The following SH3GL2 variants were observed in gnomAD, a reference collection of about 807,000 sequenced individuals.
SH3GL2 encodes the protein SH3 domain containing GRB2 like 2, endophilin A1.
SH3GL2 carries 24 observed loss-of-function variants against 46.0 expected under a neutral mutation model. The ratio of observed to expected loss-of-function variants is 0.52; its 90% CI spans 0.38 to 0.73. SH3GL2 has a LOEUF of 0.73. Among genes scored for constraint, SH3GL2 ranks in the 30% least tolerant of loss-of-function variants. SH3GL2 has a pLI of 0.00. For missense variants in SH3GL2, 413 were observed against 424.2 expected (o/e 0.97, Z 0.23); for synonymous variants, 196 against 147.1 (o/e 1.33, Z -2.40).
chr9:17,603,830 A>C (rs552905648), intron 1 of SH3GL2, among the ~76,000 whole-genome samples: 31 of 152,284 alleles, frequency 2.0e-4, no homozygotes, highest in Non-Finnish European at 2.6e-4. Context: ...GTGCCATTGC[A>C]CTCCAGCCTG....
intron 1 of SH3GL2, among the ~76,000 whole-genome samples, chr9:17,677,960 A>C (rs1820657175): frequency 6.6e-6 from 1 of 152,142 alleles, no homozygotes. Context: ...ACATGAACTC[A>C]TCATTTTTTA....
intron 1 of SH3GL2, among the ~76,000 whole-genome samples, chr9:17,689,051 C>T (rs967326134): frequency 6.6e-5 from 10 of 151,992 alleles, no homozygotes; most frequent in Non-Finnish European, 1.5e-4. Flanking sequence ...TCAAGGTGTA[C>T]GTCATCAACA....
At chr9:17,692,192 G>A (rs1204032222) in intron 1 of SH3GL2, among the ~76,000 whole-genome samples, 1 of 151,994 alleles carries the variant, frequency 6.6e-6, no homozygotes, top group Non-Finnish European at 1.5e-5. Context: ...TGCTTGCTAT[G>A]TATGGATATG....
At chr9:17,731,457 CAG>C (rs372121624) in intron 1 of SH3GL2, among the ~76,000 whole-genome samples, 13 of 148,968 alleles carry the variant, frequency 8.7e-5, no homozygotes, top group Non-Finnish European at 1.3e-4. Flanking sequence ...GAGAGACAGA[CAG>C]AGAGAGAGAG....
intron 3 of SH3GL2, among the ~76,000 whole-genome samples, chr9:17,761,942 C>A (rs1823186792): frequency 6.6e-6 from 1 of 152,132 alleles, no homozygotes; most frequent in African/African-American, 2.4e-5. Context: ...CATAGGGCAT[C>A]ACCAAAGTCT....
chr9:17,649,625 A>T (rs975465348), intron 1 of SH3GL2, among the ~76,000 whole-genome samples: 3 of 152,338 alleles, frequency 2.0e-5, no homozygotes, highest in African/African-American at 7.2e-5. Context: ...AACTTACACA[A>T]GGGAGTTTGC....
At chr9:17,667,576 T>G (rs1011977572) in intron 1 of SH3GL2, among the ~76,000 whole-genome samples, 3 of 152,246 alleles carry the variant, frequency 2.0e-5, no homozygotes, top group East Asian at 3.8e-4. Flanking sequence ...TGGACATTTA[T>G]AATGTTTCCA....
intron 1 of SH3GL2, among the ~76,000 whole-genome samples, chr9:17,703,493 T>C (rs1383728028): frequency 6.6e-6 from 1 of 151,374 alleles, no homozygotes; most frequent in Non-Finnish European, 1.5e-5. Context: ...AGAGTCACAA[T>C]GAAAAAAGAA....
chr9:17,594,787 G>T (rs963830686), intron 1 of SH3GL2, among the ~76,000 whole-genome samples: 2 of 152,108 alleles, frequency 1.3e-5, no homozygotes, highest in African/African-American at 4.8e-5. Flanking sequence ...ACTTCATTCT[G>T]TTGCCAGTTC....
chr9:17,642,961 C>T (rs1192721946), intron 1 of SH3GL2, among the ~76,000 whole-genome samples: 1 of 152,128 alleles, frequency 6.6e-6, no homozygotes, highest in Non-Finnish European at 1.5e-5. Flanking sequence ...AGCATTGAAT[C>T]TATAAATTAC....
chr9:17,629,308 G>A (rs906529457), intron 1 of SH3GL2, among the ~76,000 whole-genome samples: 7 of 152,202 alleles, frequency 4.6e-5, no homozygotes, highest in African/African-American at 7.2e-5. Context: ...GAAATATAGT[G>A]TGCAAGTATT....
rs750231629 is a variant in SH3GL2 at position 17,789,490 on chromosome 9, G to C, written c.564G>C (p.Glu188Asp). 3.2e-5 allele frequency: 52 copies of C among 1,613,294 alleles called. No individual in the cohort carries two copies. The South Asian group carries it at 5.7e-4, about 18-fold the overall frequency. The change falls in exon 6 of 9, where the codon GAG (glutamate) becomes GAC (aspartate). Residue 188 changes from glutamate to aspartate, a missense_variant. Glu to Asp is a conservative substitution (Grantham distance 45). Coordinates refer to ENST00000380607, the MANE Select transcript of SH3GL2 (RefSeq NM_003026.5). The stretch of plus-strand genomic sequence containing the variant: ...ATGAAGAGCTTCGTCAAGCTCTAGA[G>C]AAATTTGATGAGTCTAAGGAAATTG... ...IPDEELRQALEKFDESKEIAE... is the reference protein window; with the variant it reads ...IPDEELRQALDKFDESKEIAE...
At chr9:17,658,815 C>T (rs913890330) in intron 1 of SH3GL2, among the ~76,000 whole-genome samples, 2 of 152,186 alleles carry the variant, frequency 1.3e-5, no homozygotes, top group Admixed American at 1.3e-4. Flanking sequence ...CCCCAAGATG[C>T]CCCTGGAAAT....
intron 3 of SH3GL2, among the ~76,000 whole-genome samples, chr9:17,786,084 G>A (rs181184124): frequency 6.6e-6 from 1 of 152,288 alleles, no homozygotes. Flanking sequence ...GGCCACCACA[G>A]TGAAGGGAGG....
At chr9:17,777,785 C>T (rs772651054) in intron 3 of SH3GL2, among the ~76,000 whole-genome samples, 13 of 152,176 alleles carry the variant, frequency 8.5e-5, no homozygotes, top group Non-Finnish European at 1.8e-4. Flanking sequence ...TTAATTACTT[C>T]CTAAAAGCAC....
intron 3 of SH3GL2, among the ~76,000 whole-genome samples, chr9:17,772,098 T>C (rs1437822689): frequency 6.6e-6 from 1 of 152,182 alleles, no homozygotes; most frequent in Non-Finnish European, 1.5e-5. Context: ...TTCAGACTTG[T>C]AGATGCTCTG....
chr9:17,742,766 A>G, intron 1 of SH3GL2, among the ~76,000 whole-genome samples: 1 of 152,222 alleles, frequency 6.6e-6, no homozygotes, highest in East Asian at 1.9e-4. Context: ...TCAATGCTGT[A>G]CTAAATGGGC....
At chr9:17,585,649 G>A (rs1818361648) in intron 1 of SH3GL2, among the ~76,000 whole-genome samples, 1 of 152,162 alleles carries the variant, frequency 6.6e-6, no homozygotes, top group Non-Finnish European at 1.5e-5. Flanking sequence ...CAAGGACTGT[G>A]GGCAAGTGCC....
At chr9:17,589,239 C>T (rs1342441008) in intron 1 of SH3GL2, 1 of 152,234 alleles carries the variant, frequency 6.6e-6, no homozygotes, top group East Asian at 1.9e-4. Context: ...GATCACAGCT[C>T]ACTACAGCCT....
Sources: allele counts gnomAD v4.1 joint callset (sites outside exome capture counted in the v4.1 genomes callset), GRCh38; gene constraint gnomAD v4.1.1; transcripts MANE v1.5; gene names NCBI Gene and HGNC (gene_info 2026-07-23, HGNC 2026-07-21).